LDHAL6A: variants seen among roughly 807,000 people sequenced by gnomAD.
LDHAL6A encodes lactate dehydrogenase A like 6A.
Under a neutral mutation model 28.2 loss-of-function variants are expected in LDHAL6A, and 19 were observed. That is an observed-to-expected ratio of 0.67 (90% CI 0.47 to 0.99). The LOEUF is 0.99. LDHAL6A is among the 50% of genes least tolerant of loss of function. The pLI is 0.00. For missense variants in LDHAL6A, 372 were observed against 398.6 expected (o/e 0.93, Z 0.57); for synonymous variants, 144 against 134.4 (o/e 1.07, Z -0.49).
intron 5 of LDHAL6A, among the ~76,000 whole-genome samples, chr11:18,476,867 T>C (rs564475025): frequency 1.3e-5 from 2 of 152,294 alleles, no homozygotes; most frequent in East Asian, 3.9e-4. Flanking sequence ...TGGCAGGGCA[T>C]GGTGGCTCAT....
At chr11:18,478,424 G>A (rs1849445555) in intron 6 of LDHAL6A, among the ~76,000 whole-genome samples, 1 of 152,156 alleles carries the variant, frequency 6.6e-6, no homozygotes, top group Admixed American at 6.5e-5. Flanking sequence ...GCCGGGCGTG[G>A]TGGTGTGTGC....
intron 3 of LDHAL6A, among the ~76,000 whole-genome samples, chr11:18,470,479 AAAGT>A (rs553509244): frequency 6.6e-6 from 1 of 152,210 alleles, no homozygotes; most frequent in African/African-American, 2.4e-5. Context: ...AAGGTCAGGA[AAAGT>A]AAGTATCATT....
intron 3 of LDHAL6A, among the ~76,000 whole-genome samples, chr11:18,472,306 C>T (rs905884419): frequency 8.5e-5 from 13 of 152,174 alleles, no homozygotes; most frequent in African/African-American, 3.1e-4. Context: ...TTCTCTCCAT[C>T]TCAGGTATTA....
At chr11:18,475,906 T>C (rs1290880885) in intron 4 of LDHAL6A, among the ~76,000 whole-genome samples, 2 of 152,180 alleles carry the variant, frequency 1.3e-5, no homozygotes, top group Non-Finnish European at 2.9e-5. Context: ...TAACATGATA[T>C]AGTTTGTATT....
intron 5 of LDHAL6A, 198 bp downstream of exon 5, chr11:18,476,699 T>C: frequency 2.5e-6 from 2 of 812,068 alleles, no homozygotes; most frequent in Non-Finnish European, 3.0e-6. Flanking sequence ...TGCTTATTCC[T>C]GAGCCTAACC....
chr11:18,468,908 A>G lies in LDHAL6A; in HGVS notation c.418+3098A>G, dbSNP rs1590255569. 3.3e-5 allele frequency: 10 copies of G among 306,196 alleles called. No individual in the cohort carries two copies. The East Asian group carries it at 5.4e-4, about 16-fold the overall frequency. The allele number at this position is 306,196 out of a possible 1,614,324, so 19.0% of individuals were successfully genotyped here. On this transcript the variant is annotated intron_variant, in intron 3 of 6. Transcript: ENST00000280706. The stretch of plus-strand genomic sequence containing the variant: ...ACATAAATTTTGCTTCATACAGGCT[A>G]TTGGTATAAGCATTTCCTCTTTTAA...
intron 3 of LDHAL6A, among the ~76,000 whole-genome samples, chr11:18,473,477 T>C (rs1442948672): frequency 6.6e-6 from 1 of 152,230 alleles, no homozygotes; most frequent in Non-Finnish European, 1.5e-5. Flanking sequence ...CCATAGCTCA[T>C]TGTAACCTTG....
chr11:18,478,437 G>A lies in LDHAL6A; in HGVS notation c.835-269G>A, dbSNP rs150577858. 7.4e-3 allele frequency among the ~76,000 whole-genome samples: 1,125 copies of A among 152,224 alleles called. 9 individuals carry two copies. Among genetic ancestry groups the A allele is most frequent in the African/African-American group, 0.026 (1,065 of 41,522 alleles). ...CGGCCGGGCGTGGTGGTGTGTGCCT[G>A]TAGTCCCAGCTACTTGGGAGGCTGA... On this transcript the variant is annotated intron_variant, in intron 6 of 6. Coordinates refer to ENST00000280706, the MANE Select transcript of LDHAL6A (RefSeq NM_144972.5).
chr11:18,463,692 G>A (rs1002992988), intron 1 of LDHAL6A, among the ~76,000 whole-genome samples: 7 of 152,160 alleles, frequency 4.6e-5, no homozygotes, highest in Admixed American at 2.0e-4. Flanking sequence ...GAAAATCGGG[G>A]TGTTCACTAC....
chr11:18,456,952 T>A, intron 1 of LDHAL6A, 146 bp downstream of exon 1: 2 of 732,264 alleles, frequency 2.7e-6, no homozygotes, highest in South Asian at 4.9e-5. Flanking sequence ...TTTTTTTAGT[T>A]GTTCACCCAG....
rs1418883782 is a variant in LDHAL6A, at chr11:18,479,400, A to T, written c.*530A>T. The T allele has an allele frequency of 1.3e-5, 2 of 150,054 alleles. No individual in the cohort carries two copies. Among genetic ancestry groups the T allele is most frequent in the Non-Finnish European group, 2.9e-5 (2 of 67,884 alleles). The allele number at this position is 150,054 out of a possible 1,614,324, so 9.3% of individuals were successfully genotyped here. On this transcript the variant is annotated 3_prime_UTR_variant, in exon 7 of 7. Coordinates refer to ENST00000280706, the MANE Select transcript of LDHAL6A (RefSeq NM_144972.5). ...TGCCTTGTATGTATACGTAATTGCC[A>T]TCTGGTCCACAAGAATGTGTTTACT...
intron 3 of LDHAL6A, chr11:18,468,900 T>C: frequency 3.4e-6 from 1 of 295,682 alleles, no homozygotes; most frequent in Non-Finnish European, 6.1e-6. Context: ...TTTTGCTTCA[T>C]ACAGGCTATT....
At chr11:18,469,350 C>G (rs1849201863) in intron 3 of LDHAL6A, 1 of 420,092 alleles carries the variant, frequency 2.4e-6, no homozygotes. Flanking sequence ...TTAGGAAAAA[C>G]AAATTAAGCA....
At position 18,466,505 on chromosome 11, in the gene LDHAL6A, T is replaced by G. The variant is rs117998225; in HGVS notation, c.418+695T>G. Reference sequence around the variant, plus strand: ...CCATCTCTACAAAAAAATACAAAAATTATCAGGGCATGGTGGAGCATTCCT... The same window carrying G: ...CCATCTCTACAAAAAAATACAAAAAGTATCAGGGCATGGTGGAGCATTCCT... On this transcript the variant is annotated intron_variant, in intron 3 of 6. Transcript: ENST00000280706. Among the ~76,000 whole-genome samples the G allele has an allele frequency of 9.6e-3, 1,459 of 151,776 alleles. 9 individuals are homozygous for G. Among genetic ancestry groups the G allele is most frequent in the Non-Finnish European group, 0.014 (939 of 67,904 alleles).
chr11:18,476,646 A>C, intron 5 of LDHAL6A, 145 bp downstream of exon 5: 3 of 1,421,996 alleles, frequency 2.1e-6, no homozygotes, highest in Non-Finnish European at 2.8e-6. Flanking sequence ...GATCATATTC[A>C]CCAGATTATA....
At chr11:18,476,780 T>G (rs534379109) in intron 5 of LDHAL6A, 2 of 189,012 alleles carry the variant, frequency 1.1e-5, no homozygotes, top group Non-Finnish European at 2.0e-5. Flanking sequence ...TGCTATATAG[T>G]GTTTATTGTA....
At chr11:18,476,547 C>CTGAA in intron 5 of LDHAL6A, 46 bp downstream of exon 5, 1 of 1,595,730 alleles carries the variant, frequency 6.3e-7, no homozygotes, top group Non-Finnish European at 8.5e-7. Context: ...AGTTGTGAGC[C>CTGAA]TGAACTCTGT....
intron 3 of LDHAL6A, among the ~76,000 whole-genome samples, chr11:18,466,253 TATTAAATCGTAAACCACC>T (rs1399568177): frequency 6.7e-6 from 1 of 149,686 alleles, no homozygotes; most frequent in Admixed American, 6.8e-5. Flanking sequence ...ATTTAATGAA[TATTAAATCGTAAACCACC>T]AGTATAATTC....
chr11:18,458,650 C>T (rs1180920741), intron 1 of LDHAL6A, among the ~76,000 whole-genome samples: 1 of 152,160 alleles, frequency 6.6e-6, no homozygotes, highest in Non-Finnish European at 1.5e-5. Context: ...ATAAGGAATT[C>T]TCAATATGAA....
Sources: allele counts gnomAD v4.1 joint callset (sites outside exome capture counted in the v4.1 genomes callset), GRCh38; gene constraint gnomAD v4.1.1; transcripts MANE v1.5; gene names NCBI Gene and HGNC (gene_info 2026-07-23, HGNC 2026-07-21).